MICAL2: variants seen among roughly 807,000 people sequenced by gnomAD.
The protein encoded by MICAL2 is microtubule associated monooxygenase, calponin and LIM domain containing 2.
A neutral mutation model predicts 127.3 loss-of-function variants in MICAL2; 77 were observed. The observed-to-expected ratio is 0.60, with a 90% confidence interval of 0.50 to 0.73. MICAL2 has a LOEUF of 0.73. Among genes scored for constraint, MICAL2 ranks in the 30% least tolerant of loss-of-function variants. MICAL2 has a pLI of 0.00. For synonymous variants in MICAL2, 570 were observed against 551.1 expected (o/e 1.03, Z -0.48); for missense variants, 1,351 against 1,434.4 (o/e 0.94, Z 0.94).
rs772855718 is a variant in MICAL2 at position 12,249,169 on chromosome 11, C to T, written c.2785-15C>T. The T allele has an allele frequency of 1.1e-5, 17 of 1,613,182 alleles. No individual in the cohort carries two copies. Among genetic ancestry groups the T allele is most frequent in the Admixed American group, 1.7e-5 (1 of 59,806 alleles). ...TATTTACCTAAAATGCATGTTGATC[C>T]CTCTCTTTCTAAAGGAAAAGAAGTC... On this transcript the variant is annotated splice_polypyrimidine_tract_variant and intron_variant, in intron 21 of 27. Transcript: ENST00000683283.
chr11:12,130,041 C>T (rs1036970466), intron 1 of MICAL2, among the ~76,000 whole-genome samples: 6 of 152,114 alleles, frequency 3.9e-5, no homozygotes, highest in African/African-American at 1.4e-4. Context: ...CCCTTTGTTC[C>T]CAGGTCTTGT....
At chr11:12,340,325 C>A (rs1224872070) in intron 32 of MICAL2, among the ~76,000 whole-genome samples, 2 of 152,100 alleles carry the variant, frequency 1.3e-5, no homozygotes, top group African/African-American at 4.8e-5. Context: ...ATAATTCAGA[C>A]TACAGTAAAA....
At chr11:12,335,412 A>G (rs1223668378) in intron 32 of MICAL2, among the ~76,000 whole-genome samples, 1 of 151,660 alleles carries the variant, frequency 6.6e-6, no homozygotes, top group Admixed American at 6.6e-5. Flanking sequence ...TTGCCTGTTC[A>G]CTCTGTTGGT....
chr11:12,304,022 T>G (rs1379821037), intron 29 of MICAL2, among the ~76,000 whole-genome samples: 1 of 152,178 alleles, frequency 6.6e-6, no homozygotes, highest in East Asian at 1.9e-4. Flanking sequence ...AGACCAATAC[T>G]GGTCACAAAC....
At chr11:12,338,813 C>T (rs1032614442) in intron 32 of MICAL2, among the ~76,000 whole-genome samples, 22 of 152,194 alleles carry the variant, frequency 1.4e-4, no homozygotes, top group African/African-American at 3.6e-4. Context: ...AGAGTTTCTG[C>T]GGAGAGATCA....
intron 26 of MICAL2, chr11:12,260,142 G>T (rs1862898368): frequency 6.5e-7 from 1 of 1,529,800 alleles, no homozygotes; most frequent in South Asian, 1.2e-5. Context: ...GCAACTGGGT[G>T]CTCAGGTGCT....
chr11:12,161,838 G>A, intron 2 of MICAL2: 1 of 402,450 alleles, frequency 2.5e-6, no homozygotes, highest in South Asian at 2.6e-5. Flanking sequence ...GCAATCTGTG[G>A]TACTTTTCAG....
intron 33 of MICAL2, chr11:12,354,696 A>G: frequency 2.9e-6 from 3 of 1,026,140 alleles, no homozygotes; most frequent in Non-Finnish European, 4.3e-6. Flanking sequence ...GGAAAAAAGA[A>G]TGCTGTAGCT....
rs114078948 is a variant in MICAL2 at position 12,145,708 on chromosome 11, G to A, written c.-78+7248G>A. 7.3e-3 allele frequency among the ~76,000 whole-genome samples: 1,113 copies of A among 152,292 alleles called. 18 individuals carry two copies. The highest frequency in any genetic ancestry group is 0.026 in the African/African-American group (1,066 of 41,560). ...ATTAGTTATTTCTGACTCAGGCAGG[G>A]CTCACCTGTCCATGCAGGTGTATAC... On this transcript the variant is annotated intron_variant, in intron 2 of 27. Transcript: ENST00000683283.
intron 11 of MICAL2, 60 bp from the exon 12 acceptor site, chr11:12,223,351 G>A: frequency 6.8e-7 from 1 of 1,466,576 alleles, no homozygotes; most frequent in South Asian, 1.1e-5. Flanking sequence ...CGAGTTTAGG[G>A]GCCCTGAGAC....
chr11:12,311,822 G>A (rs1864177599), intron 29 of MICAL2, among the ~76,000 whole-genome samples: 1 of 152,124 alleles, frequency 6.6e-6, no homozygotes, highest in African/African-American at 2.4e-5. Context: ...TAATATTGGT[G>A]ACATTTTTAT....
At chr11:12,122,037 A>C (rs1189528239) in intron 1 of MICAL2, among the ~76,000 whole-genome samples, 2 of 152,198 alleles carry the variant, frequency 1.3e-5, no homozygotes. Context: ...TGCTCAGTGC[A>C]TTCATTCTGT....
At chr11:12,187,319 T>C (rs1333984596) in intron 3 of MICAL2, among the ~76,000 whole-genome samples, 1 of 152,234 alleles carries the variant, frequency 6.6e-6, no homozygotes, top group African/African-American at 2.4e-5. Context: ...GCTTTATTTG[T>C]GAATTATGTG....
chr11:12,341,937 T>A lies in MICAL2; in HGVS notation c.5516-7901T>A, dbSNP rs1290224823. Among the ~76,000 whole-genome samples, 4 of 152,380 alleles carry A rather than the reference T, an allele frequency of 2.6e-5. No individual in the cohort carries two copies. The East Asian group carries it at 5.8e-4, about 22-fold the overall frequency. On this transcript the variant is annotated intron_variant, in intron 32 of 34. Coordinates refer to the MICAL2 transcript ENST00000646065. ...CTTGGTGGTTGGAAGTAACATAGTGTGCTTTGCAATTTTGAGAGTACTCTT... is the reference window on the plus strand; with the variant it reads ...CTTGGTGGTTGGAAGTAACATAGTGAGCTTTGCAATTTTGAGAGTACTCTT...
At chr11:12,278,308 C>A (rs1863740951) in intron 1 of MICAL2, among the ~76,000 whole-genome samples, 1 of 152,156 alleles carries the variant, frequency 6.6e-6, no homozygotes, top group Non-Finnish European at 1.5e-5. Flanking sequence ...AAAATATTTT[C>A]TTTCTTTATA....
chr11:12,265,629 C>A (rs1194898185), downstream of MICAL2, among the ~76,000 whole-genome samples: 1 of 152,142 alleles, frequency 6.6e-6, no homozygotes, highest in Non-Finnish European at 1.5e-5. Context: ...TCATTTAAAA[C>A]AGATGTTCCT....
intron 9 of MICAL2, 30 bp downstream of exon 9, chr11:12,220,488 T>A: frequency 6.3e-7 from 1 of 1,598,160 alleles, no homozygotes; most frequent in Non-Finnish European, 8.5e-7. Flanking sequence ...CCCCCATGTT[T>A]CTCTGCGAGA....
At chr11:12,183,046 C>G (rs1007205377) in intron 3 of MICAL2, among the ~76,000 whole-genome samples, 3 of 152,090 alleles carry the variant, frequency 2.0e-5, no homozygotes, top group Admixed American at 2.0e-4. Flanking sequence ...GAAAATGCAG[C>G]CTATTGTTGT....
At chr11:12,294,229 C>G, downstream of MICAL2, 1 of 1,614,126 alleles carries the variant, frequency 6.2e-7, no homozygotes, top group Non-Finnish European at 8.5e-7. Context: ...TGCCTCCACC[C>G]AAGTCCCCAC....
Sources: allele counts gnomAD v4.1 joint callset (sites outside exome capture counted in the v4.1 genomes callset), GRCh38; gene constraint gnomAD v4.1.1; transcripts MANE v1.5; gene names NCBI Gene and HGNC (gene_info 2026-07-23, HGNC 2026-07-21).